ABAT: variants seen among roughly 807,000 people sequenced by gnomAD.
ABAT encodes 4-aminobutyrate aminotransferase.
In ABAT, 45 loss-of-function variants were observed where a neutral mutation model predicts 64.6. The observed-to-expected ratio is 0.70, with a 90% CI of 0.55 to 0.89. The LOEUF is 0.89. Among genes scored for constraint, ABAT ranks in the 40% least tolerant of loss-of-function variants. ABAT has a pLI of 0.00. For missense variants in ABAT, 633 were observed against 658.4 expected, an observed-to-expected ratio of 0.96 and a Z score of 0.42; for synonymous variants, 297 against 250.5, an observed-to-expected ratio of 1.19 and a Z score of -1.75.
chr16:8,712,567 A>G (rs2058100462), intron 1 of ABAT, among the ~76,000 whole-genome samples: 2 of 152,168 alleles, frequency 1.3e-5, no homozygotes, highest in East Asian at 1.9e-4. Context: ...TATTTGGTCA[A>G]AAAGATCCTT....
chr16:8,763,263 T>C (rs1025384739), intron 6 of ABAT, among the ~76,000 whole-genome samples: 24 of 152,182 alleles, frequency 1.6e-4, no homozygotes, highest in Middle Eastern at 3.2e-3. Context: ...CCTTCTTGGC[T>C]GTGTGACTTG....
In ABAT at chr16:8,774,877, C is replaced by G. The variant is rs749756374; in HGVS notation, c.955-13C>G. On this transcript the variant is annotated splice_polypyrimidine_tract_variant and intron_variant, in intron 12 of 15. Transcript: ENST00000268251. ...GGGTGTTTATTTCTCCCTCCTCTCT[C>G]TTCTCCGGCCAGCATGGCTGCGCCT... is the stretch of plus-strand genomic sequence containing the variant. The G allele has an allele frequency of 6.2e-7, 1 of 1,613,630 alleles. No individual in the cohort carries two copies. Among genetic ancestry groups the G allele is most frequent in the Non-Finnish European group, 8.5e-7 (1 of 1,180,034 alleles).
At chr16:8,779,961 C>T (rs557986543) in intron 15 of ABAT, among the ~76,000 whole-genome samples, 5 of 152,102 alleles carry the variant, frequency 3.3e-5, no homozygotes, top group African/African-American at 4.8e-5. Flanking sequence ...AAGGAGAAAA[C>T]GCAGCTAAGA....
At position 8,746,022 on chromosome 16, in the gene ABAT, C is replaced by T; in HGVS notation, c.92C>T (p.Ala31Val). ...LVPGSRHISQ[A>V]AAKVDVEFDY... ...GCAGGATCCAGACACATTAGTCAAG[C>T]TGCAGCCAAAGTCGACGTTGAATTT... Residue 31 changes from alanine (A) to valine (V), a missense_variant, in exon 3 of 16, where the codon GCT (alanine) becomes GTT (valine). Ala to Val is a moderately conservative substitution (Grantham distance 64, BLOSUM62 0). Transcript: ENST00000268251. The T allele has an allele frequency of 1.2e-6, 2 of 1,614,062 alleles. No individual in the cohort carries two copies. Among genetic ancestry groups the T allele is most frequent in the Non-Finnish European group, 1.7e-6 (2 of 1,179,960 alleles).
intron 2 of ABAT, chr16:8,736,017 C>T (rs2058918620): frequency 3.6e-6 from 2 of 562,576 alleles, no homozygotes; most frequent in Non-Finnish European, 6.4e-6. Flanking sequence ...GTTTAATGGT[C>T]TCACAGTTTC....
chr16:8,782,471 C>G lies in ABAT; in HGVS notation c.*1041C>G, dbSNP rs1013356396. On this transcript the variant is annotated 3_prime_UTR_variant, in exon 16 of 16. Coordinates refer to ENST00000268251, the MANE Select transcript of ABAT (RefSeq NM_020686.6). ...GCTGTTCCACCAGAGCAGAGGGAAT[C>G]ATTGCTGGACTGGATTTCTTCTGGA... 6.6e-6 allele frequency: 1 copy of G among 152,234 alleles called. No individual in the cohort carries two copies. The highest frequency in any genetic ancestry group is 1.5e-5 in the Non-Finnish European group (1 of 68,054). 9.4% of individuals were successfully genotyped at this position (152,234 alleles called of 1,614,324 possible). A position where few individuals can be genotyped will look rare whatever the true frequency, so the allele number is the denominator to read the frequency against.
At position 8,735,816 on chromosome 16, in the gene ABAT, C is replaced by A; in HGVS notation, c.70+7C>A. ...TACCGCCTGCTGGTGCCTGGTAAGC[C>A]CCGGGGGTCTTGATAAGAACTGGTA... On this transcript the variant is annotated splice_region_variant and intron_variant, in intron 2 of 15. Coordinates refer to ENST00000268251, the MANE Select transcript of ABAT (RefSeq NM_020686.6). 1 of 1,598,052 alleles carries A rather than the reference C, an allele frequency of 6.3e-7. No individual in the cohort carries two copies. Among genetic ancestry groups the A allele is most frequent in the Non-Finnish European group, 8.5e-7 (1 of 1,172,362 alleles).
rs144514905 is a variant in ABAT at position 8,779,545 on chromosome 16, G to A, written c.1336G>A (p.Asp446Asn). 29 of 1,614,024 alleles carry A rather than the reference G, an allele frequency of 1.8e-5. No homozygotes were observed. The highest frequency in any genetic ancestry group is 1.6e-4 in the Middle Eastern group (1 of 6,082). The change falls in exon 15 of 16, where the codon GAT becomes AAT. Residue 446 changes from aspartate to asparagine, a missense_variant. By Grantham distance (23) the Asp-to-Asn change is conservative. Transcript: ENST00000268251. ...CACCTTTTGCTCCTTCGATACTCCCGATGATTCCATACGGAATAAGCTCAT... is the reference window on the plus strand; with the variant it reads ...CACCTTTTGCTCCTTCGATACTCCCAATGATTCCATACGGAATAAGCTCAT... ...RGTFCSFDTPDDSIRNKLILI... is the reference protein window; with the variant it reads ...RGTFCSFDTPNDSIRNKLILI...
At chr16:8,704,272 A>G (rs1054006179) in intron 1 of ABAT, among the ~76,000 whole-genome samples, 3 of 152,250 alleles carry the variant, frequency 2.0e-5, no homozygotes, top group Non-Finnish European at 4.4e-5. Flanking sequence ...ACCAAACGGA[A>G]CACAGATCAA....
At chr16:8,703,262 T>G (rs2057865912) in intron 1 of ABAT, among the ~76,000 whole-genome samples, 1 of 151,894 alleles carries the variant, frequency 6.6e-6, no homozygotes, top group Non-Finnish European at 1.5e-5. Flanking sequence ...GCCTGGAGTT[T>G]CGGCCGACAT....
At position 8,750,500 on chromosome 16, in the gene ABAT, A is replaced by C. The variant is rs1232785134; in HGVS notation, c.277A>C (p.Met93Leu). The change falls in exon 5 of 16, where the codon ATG becomes CTG. Residue 93 changes from methionine (M) to leucine (L), a missense_variant. Physicochemically the swap from Met to Leu is conservative, Grantham distance 15. Transcript: ENST00000268251. ...NYLVDVDGNR[M>L]LDLYSQISSV... ...CCTGGTTGATGTGGACGGCAACCGA[A>C]TGCTGGATCTTTATTCCCAGATCTC... The C allele has an allele frequency of 3.1e-6, 5 of 1,614,076 alleles. No homozygotes were observed. The highest frequency in any genetic ancestry group is 4.2e-6 in the Non-Finnish European group (5 of 1,180,030).
At chr16:8,714,452 C>T (rs2058155489) in intron 1 of ABAT, 1 of 152,478 alleles carries the variant, frequency 6.6e-6, no homozygotes, top group South Asian at 2.1e-4. Flanking sequence ...GAGTAGATGT[C>T]AGGAAGCTCT....
intron 2 of ABAT, among the ~76,000 whole-genome samples, chr16:8,743,614 T>C (rs1244091182): frequency 6.9e-6 from 1 of 144,940 alleles, no homozygotes; most frequent in East Asian, 1.9e-4. Flanking sequence ...ATATATATTT[T>C]AGTTATATGA....
rs1255136515 is a variant in ABAT, at chr16:8,768,877, C to G, written c.720C>G (p.Ser240=). ...SKAIHKIDIP[S]FDWPIAPFPR... ...CCATTCACAAGATCGACATCCCTTC[C>G]TTTGACTGGCCCATCGCACCGTTCC... Residue 240 remains serine (S), a synonymous_variant, in exon 11 of 16, where the codon TCC becomes TCG. Coordinates refer to ENST00000268251, the MANE Select transcript of ABAT (RefSeq NM_020686.6). The G allele has an allele frequency of 6.2e-7, 1 of 1,614,228 alleles. No individual in the cohort carries two copies. The highest frequency in any genetic ancestry group is 1.3e-5 in the African/African-American group (1 of 75,056).
At chr16:8,740,184 T>A (rs944976250) in intron 2 of ABAT, among the ~76,000 whole-genome samples, 4 of 152,152 alleles carry the variant, frequency 2.6e-5, no homozygotes, top group African/African-American at 7.2e-5. Flanking sequence ...CTAAGCCCAG[T>A]TGGCTCCAGG....
intron 6 of ABAT, chr16:8,759,989 G>C (rs2059750393): frequency 6.6e-6 from 1 of 152,226 alleles, no homozygotes; most frequent in African/African-American, 2.4e-5. Context: ...TGGCTTTAGA[G>C]CGTTCCCCTC....
chr16:8,691,854 T>C (rs886194517), intron 1 of ABAT, among the ~76,000 whole-genome samples: 1 of 152,226 alleles, frequency 6.6e-6, no homozygotes, highest in African/African-American at 2.4e-5. Context: ...CTAACCATTC[T>C]AACTCCTCCC....
chr16:8,765,947 C>G (rs2059931133), intron 8 of ABAT: 1 of 422,586 alleles, frequency 2.4e-6, no homozygotes, highest in South Asian at 2.1e-5. Flanking sequence ...GCAAAACATG[C>G]AACGCTCTCA....
At chr16:8,768,136 A>G (rs1171759985) in intron 9 of ABAT, 57 bp from the exon 10 acceptor site, 8 of 1,535,130 alleles carry the variant, frequency 5.2e-6, no homozygotes, top group Non-Finnish European at 6.3e-6. Flanking sequence ...CAGGGGCAAC[A>G]ATACAGTTCC....
Sources: allele counts gnomAD v4.1 joint callset (sites outside exome capture counted in the v4.1 genomes callset), GRCh38; gene constraint gnomAD v4.1.1; transcripts MANE v1.5; gene names NCBI Gene and HGNC (gene_info 2026-07-23, HGNC 2026-07-21).